Variants in MTMR3 observed in about 807,000 individuals in gnomAD.
MTMR3 encodes phosphatidylinositol-3,5-bisphosphate 3-phosphatase MTMR3.
MTMR3 carries 32 observed loss-of-function variants against 132.4 expected under a neutral mutation model. The ratio of observed to expected loss-of-function variants is 0.24; its 90% CI spans 0.18 to 0.32. MTMR3 has a LOEUF of 0.32. Ranked by LOEUF, MTMR3 falls within the 10% of genes least tolerant of loss-of-function variation. The probability of loss-of-function intolerance (pLI) is 1.00; values close to 1 mark genes in which losing one functional copy is unlikely to be tolerated. For synonymous variants in MTMR3, 556 were observed against 550.3 expected, an observed-to-expected ratio of 1.01 and a Z score of -0.14; for missense variants, 1,216 against 1,489.6, an observed-to-expected ratio of 0.82 and a Z score of 3.02.
At chr22:29,963,622 G>T (rs955563818) in intron 2 of MTMR3, among the ~76,000 whole-genome samples, 1 of 151,952 alleles carries the variant, frequency 6.6e-6, no homozygotes, top group Non-Finnish European at 1.5e-5. Flanking sequence ...TCTTGACCTT[G>T]TGATCTGCCC....
At chr22:29,902,188 T>G (rs1397752885) in intron 1 of MTMR3, among the ~76,000 whole-genome samples, 1 of 152,186 alleles carries the variant, frequency 6.6e-6, no homozygotes, top group Non-Finnish European at 1.5e-5. Context: ...ATGAGAAGAA[T>G]CTGTTTGTAT....
At position 29,962,346 on chromosome 22, in the gene MTMR3, A is replaced by G. The variant is rs117007014; in HGVS notation, c.-85+5258A>G. ...CACGAAGTTGTGTAGCCATCACCAC[A>G]GTCCATTTTAGGACCTTTTCCTCAC... On this transcript the variant is annotated intron_variant, in intron 2 of 19. Transcript: ENST00000401950. Among the ~76,000 whole-genome samples, 4 of 152,316 alleles carry G rather than the reference A, an allele frequency of 2.6e-5. No individual in the cohort carries two copies. In the East Asian group the frequency reaches 7.7e-4, roughly 29 times the overall value.
At chr22:30,017,860 C>G in intron 15 of MTMR3, 67 bp from the exon 16 acceptor site, 1 of 1,595,852 alleles carries the variant, frequency 6.3e-7, no homozygotes, top group Middle Eastern at 1.7e-4. Context: ...GCTCTTGATC[C>G]TCATTTCCAG....
chr22:29,961,116 T>A (rs1314867916), intron 2 of MTMR3, among the ~76,000 whole-genome samples: 1 of 152,160 alleles, frequency 6.6e-6, no homozygotes, highest in Non-Finnish European at 1.5e-5. Context: ...TTGATAAATA[T>A]GTGTTGTGTT....
At chr22:29,997,356 A>ATAC (rs1432471173) in intron 7 of MTMR3, 3 of 152,202 alleles carry the variant, frequency 2.0e-5, no homozygotes, top group African/African-American at 4.8e-5. Context: ...ACAAAGCTTT[A>ATAC]TACTCTGAAC....
At chr22:29,893,320 T>C (rs9614101) in intron 1 of MTMR3, among the ~76,000 whole-genome samples, 24,421 of 152,190 alleles carry the variant, frequency 0.16, 2,062 homozygotes, top group South Asian at 0.24. Flanking sequence ...AAAATACTCT[T>C]AATGTCATTC....
chr22:29,918,088 G>A (rs1299366725), intron 1 of MTMR3, among the ~76,000 whole-genome samples: 1 of 152,156 alleles, frequency 6.6e-6, no homozygotes, highest in Non-Finnish European at 1.5e-5. Flanking sequence ...ATTAGTAACT[G>A]CTGGTTGCCT....
intron 1 of MTMR3, among the ~76,000 whole-genome samples, chr22:29,937,820 A>T (rs1407500901): frequency 1.3e-5 from 2 of 152,182 alleles, no homozygotes; most frequent in Admixed American, 6.5e-5. Context: ...AAAATGATGG[A>T]GCAAACTTTC....
At chr22:29,895,063 C>T (rs879786933) in intron 1 of MTMR3, among the ~76,000 whole-genome samples, 2 of 152,004 alleles carry the variant, frequency 1.3e-5, no homozygotes, top group East Asian at 1.9e-4. Flanking sequence ...CAAAAATTAA[C>T]GGGGCGCGGT....
intron 1 of MTMR3, among the ~76,000 whole-genome samples, chr22:29,952,273 C>T (rs1241378628): frequency 6.6e-6 from 1 of 152,060 alleles, no homozygotes; most frequent in Non-Finnish European, 1.5e-5. Flanking sequence ...AATATTTTAG[C>T]AGCTTATCTG....
chr22:29,978,273 G>A (rs544471741), intron 3 of MTMR3, 169 bp from the exon 4 acceptor site: 8 of 479,686 alleles, frequency 1.7e-5, no homozygotes, highest in African/African-American at 1.5e-4. Flanking sequence ...TGTAACTAAT[G>A]TATTGGATAG....
chr22:29,986,697 CTT>C (rs2066865092), intron 5 of MTMR3: 1 of 638,618 alleles, frequency 1.6e-6, no homozygotes, highest in Admixed American at 6.4e-5. Context: ...GAGTTTTGCT[CTT>C]GTTGCCCAGG....
At position 29,929,126 on chromosome 22, in the gene MTMR3, C is replaced by A. The variant is rs184162706; in HGVS notation, c.-137-27910C>A. ...GAAACGCTGTCTCTACTAAAAAATACAAAAATTAGCTGGGCGGGGTGGCGT... is the reference window on the plus strand; with the variant it reads ...GAAACGCTGTCTCTACTAAAAAATAAAAAAATTAGCTGGGCGGGGTGGCGT... On this transcript the variant is annotated intron_variant, in intron 1 of 19. Coordinates refer to ENST00000401950, the MANE Select transcript of MTMR3 (RefSeq NM_021090.4). Among the ~76,000 whole-genome samples the A allele has an allele frequency of 4.5e-3, 681 of 151,902 alleles. 6 individuals are homozygous for A. Among genetic ancestry groups the A allele is most frequent in the African/African-American group, 0.015 (643 of 41,484 alleles).
chr22:29,929,458 C>T (rs1021488375), intron 1 of MTMR3, among the ~76,000 whole-genome samples: 1 of 151,876 alleles, frequency 6.6e-6, no homozygotes, highest in Admixed American at 6.6e-5. Context: ...TGAACATTTG[C>T]ATTTCTTTTG....
In MTMR3 at chr22:29,951,392, T is replaced by C. The variant is rs567388245; in HGVS notation, c.-137-5644T>C. Among the ~76,000 whole-genome samples the C allele has an allele frequency of 6.6e-5, 10 of 152,292 alleles. No individual in the cohort carries two copies. In the East Asian group the frequency reaches 1.7e-3, roughly 26 times the overall value. The stretch of plus-strand genomic sequence containing the variant: ...AGGAAAATGCTTGTAAAATAAGTTA[T>C]TTAGAAGGGTAACAATGAAATTTGT... On this transcript the variant is annotated intron_variant, in intron 1 of 19. Transcript: ENST00000401950.
chr22:29,924,500 T>C (rs1175367381), intron 1 of MTMR3, among the ~76,000 whole-genome samples: 1 of 152,190 alleles, frequency 6.6e-6, no homozygotes, highest in Non-Finnish European at 1.5e-5. Flanking sequence ...TTAGTGTGAG[T>C]TCTTCAACAT....
At chr22:29,936,114 A>G (rs925792971) in intron 1 of MTMR3, among the ~76,000 whole-genome samples, 1 of 151,784 alleles carries the variant, frequency 6.6e-6, no homozygotes, top group African/African-American at 2.4e-5. Context: ...TCCTTCTGCT[A>G]TCTCTTAGAT....
chr22:29,958,659 T>G (rs992778682), intron 2 of MTMR3, among the ~76,000 whole-genome samples: 8 of 152,218 alleles, frequency 5.3e-5, no homozygotes, highest in Non-Finnish European at 4.4e-5. Flanking sequence ...AGAATCTCTT[T>G]CTCTGCTTTT....
At chr22:29,975,780 A>AT (rs1235499109) in intron 3 of MTMR3, among the ~76,000 whole-genome samples, 2 of 151,932 alleles carry the variant, frequency 1.3e-5, no homozygotes, top group African/African-American at 4.8e-5. Context: ...TAGTTTCTCT[A>AT]TTTTTTGTAG....
Sources: allele counts gnomAD v4.1 joint callset (sites outside exome capture counted in the v4.1 genomes callset), GRCh38; gene constraint gnomAD v4.1.1; transcripts MANE v1.5; gene names NCBI Gene and HGNC (gene_info 2026-07-23, HGNC 2026-07-21).